Variants in CTNNA3 observed in about 807,000 individuals in gnomAD.
CTNNA3 encodes catenin alpha-3.
CTNNA3 carries 76 observed loss-of-function variants against 95.7 expected under a neutral mutation model. The ratio of observed to expected loss-of-function variants is 0.79; its 90% CI spans 0.66 to 0.96. CTNNA3 has a LOEUF of 0.96. Ranked by LOEUF, CTNNA3 falls within the 40% of genes least tolerant of loss-of-function variation. CTNNA3 has a pLI of 0.00. For synonymous variants in CTNNA3, 431 were observed against 374.4 expected (o/e 1.15, Z -1.74); for missense variants, 1,191 against 1,089.8 (o/e 1.09, Z -1.31).
At chr10:66,480,592 C>T (rs886410380) in intron 11 of CTNNA3, among the ~76,000 whole-genome samples, 1 of 151,770 alleles carries the variant, frequency 6.6e-6, no homozygotes, top group Non-Finnish European at 1.5e-5. Context: ...CAGATGTTGG[C>T]AAAATAATTT....
At chr10:66,689,681 A>T (rs1268733732) in intron 9 of CTNNA3, among the ~76,000 whole-genome samples, 1 of 152,180 alleles carries the variant, frequency 6.6e-6, no homozygotes, top group Non-Finnish European at 1.5e-5. Context: ...ATGTTGCCTC[A>T]CTCCTTAATG....
At chr10:67,010,603 C>A (rs1852259413) in intron 7 of CTNNA3, among the ~76,000 whole-genome samples, 1 of 152,194 alleles carries the variant, frequency 6.6e-6, no homozygotes, top group Non-Finnish European at 1.5e-5. Context: ...ACAGAAGCAT[C>A]TTTACCACCG....
chr10:66,707,429 A>G (rs952304496), intron 9 of CTNNA3, among the ~76,000 whole-genome samples: 2 of 151,936 alleles, frequency 1.3e-5, no homozygotes, highest in Non-Finnish European at 2.9e-5. Context: ...ACTGGATCGT[A>G]AAATCTTTGA....
chr10:67,711,934 T>C (rs1331656500), intron 1 of CTNNA3, among the ~76,000 whole-genome samples: 1 of 152,102 alleles, frequency 6.6e-6, no homozygotes, highest in Non-Finnish European at 1.5e-5. Context: ...TATGGCTGCA[T>C]AGTATTCCAA....
At chr10:67,264,442 C>T (rs1029232244) in intron 5 of CTNNA3, among the ~76,000 whole-genome samples, 1 of 152,074 alleles carries the variant, frequency 6.6e-6, no homozygotes, top group African/African-American at 2.4e-5. Flanking sequence ...ACTATTTCAC[C>T]TATTTACAGT....
At chr10:67,189,689 A>T (rs912625765) in intron 6 of CTNNA3, among the ~76,000 whole-genome samples, 2 of 152,124 alleles carry the variant, frequency 1.3e-5, no homozygotes, top group Non-Finnish European at 2.9e-5. Context: ...CTGAACAGGC[A>T]TCAGCATTAT....
At chr10:67,613,578 G>A (rs1589489785) in intron 2 of CTNNA3, among the ~76,000 whole-genome samples, 1 of 152,206 alleles carries the variant, frequency 6.6e-6, no homozygotes, top group South Asian at 2.1e-4. Context: ...GTTGGGGTCT[G>A]ATCAGTTCAA....
chr10:66,940,374 G>C (rs1847935674), intron 7 of CTNNA3, among the ~76,000 whole-genome samples: 1 of 152,110 alleles, frequency 6.6e-6, no homozygotes, highest in Non-Finnish European at 1.5e-5. Flanking sequence ...CACATGCTTG[G>C]AAGCTGAAGT....
intron 9 of CTNNA3, among the ~76,000 whole-genome samples, chr10:66,757,617 A>G (rs1202583080): frequency 6.6e-6 from 1 of 152,208 alleles, no homozygotes; most frequent in East Asian, 1.9e-4. Context: ...TAATTAAGGA[A>G]GGTGGAATAA....
At chr10:66,317,729 A>G (rs1230745183) in intron 12 of CTNNA3, among the ~76,000 whole-genome samples, 1 of 152,022 alleles carries the variant, frequency 6.6e-6, no homozygotes, top group Non-Finnish European at 1.5e-5. Flanking sequence ...ATATTATCAA[A>G]TTAGTGTGAT....
chr10:67,356,149 A>G (rs1004808322), intron 5 of CTNNA3, among the ~76,000 whole-genome samples: 1 of 151,974 alleles, frequency 6.6e-6, no homozygotes, highest in African/African-American at 2.4e-5. Context: ...TGTCCTCTGG[A>G]GAACATAAAG....
intron 5 of CTNNA3, among the ~76,000 whole-genome samples, chr10:67,406,050 G>C (rs1288933680): frequency 1.3e-5 from 2 of 152,138 alleles, no homozygotes; most frequent in African/African-American, 4.8e-5. Context: ...TCTCATAATA[G>C]TGAGTGAGTT....
intron 5 of CTNNA3, among the ~76,000 whole-genome samples, chr10:67,501,266 T>A (rs1307813581): frequency 6.6e-6 from 1 of 152,234 alleles, no homozygotes; most frequent in Non-Finnish European, 1.5e-5. Context: ...AAAATTCTTT[T>A]CTTTAATAAT....
rs71468814 is a variant in CTNNA3 at position 67,483,776 on chromosome 10, T to TAA, written c.579+38064_579+38065dup. Among the ~76,000 whole-genome samples, 52 of 110,906 alleles carry TAA rather than the reference T, an allele frequency of 4.7e-4. No homozygotes were observed. The South Asian group carries it at 5.2e-3, about 11-fold the overall frequency. The allele number at this position is 110,906 out of a possible 152,430, so 72.8% of individuals were successfully genotyped here. ...AGTATAATAATAAAAAAATAAAAAT[T>TAA]AAAAAAAAAAACAAAAAAAAAACAA... On this transcript the variant is annotated intron_variant, in intron 5 of 17. Transcript: ENST00000433211.
intron 13 of CTNNA3, among the ~76,000 whole-genome samples, chr10:66,240,399 A>G (rs7071648): frequency 0.84 from 128,037 of 152,050 alleles, 54,257 homozygotes; most frequent in East Asian, 0.93. Context: ...TATCATCCAC[A>G]TGTTTTCATC....
intron 12 of CTNNA3, among the ~76,000 whole-genome samples, chr10:66,356,526 T>C (rs2092611925): frequency 6.6e-6 from 1 of 152,010 alleles, no homozygotes; most frequent in African/African-American, 2.4e-5. Flanking sequence ...ATATAATAGA[T>C]CTTTGGAATT....
chr10:66,421,219 T>C (rs1321077922), intron 11 of CTNNA3, among the ~76,000 whole-genome samples: 1 of 152,112 alleles, frequency 6.6e-6, no homozygotes, highest in Non-Finnish European at 1.5e-5. Context: ...CTGATAATGG[T>C]AGAGAGAAGA....
At chr10:66,386,257 C>A (rs534502675) in intron 11 of CTNNA3, among the ~76,000 whole-genome samples, 60 of 152,252 alleles carry the variant, frequency 3.9e-4, no homozygotes, top group African/African-American at 1.4e-3. Flanking sequence ...TCTCAGGATA[C>A]AAAATCAATG....
At chr10:67,379,370 C>A (rs1010928417) in intron 5 of CTNNA3, among the ~76,000 whole-genome samples, 4 of 152,058 alleles carry the variant, frequency 2.6e-5, no homozygotes, top group Admixed American at 2.6e-4. Context: ...TTGCCTAGTT[C>A]ACAGGGCAAC....
Sources: allele counts gnomAD v4.1 joint callset (sites outside exome capture counted in the v4.1 genomes callset), GRCh38; gene constraint gnomAD v4.1.1; transcripts MANE v1.5; gene names NCBI Gene and HGNC (gene_info 2026-07-23, HGNC 2026-07-21).